SULT1B1: variants seen among roughly 807,000 people sequenced by gnomAD.
SULT1B1 encodes sulfotransferase family 1B member 1, also known as sulfotransferase 1B1.
In SULT1B1, 28 loss-of-function variants were observed where a neutral mutation model predicts 34.6. The observed-to-expected ratio is 0.81, with a 90% CI of 0.60 to 1.11. SULT1B1 has a LOEUF of 1.11. Among genes scored for constraint, SULT1B1 ranks in the 50% least tolerant of loss-of-function variants. The pLI is 0.00. For synonymous variants in SULT1B1, 147 were observed against 110.2 expected, an observed-to-expected ratio of 1.33 and a Z score of -2.09; for missense variants, 374 against 352.2, an observed-to-expected ratio of 1.06 and a Z score of -0.50.
intron 3 of SULT1B1, among the ~76,000 whole-genome samples, chr4:69,751,077 C>T (rs1344987350): frequency 6.6e-6 from 1 of 152,122 alleles, no homozygotes; most frequent in African/African-American, 2.4e-5. Context: ...ATTAATTGTC[C>T]TGTATTTTAT....
intron 1 of SULT1B1, among the ~76,000 whole-genome samples, chr4:69,757,742 T>C (rs577323775): frequency 6.6e-6 from 1 of 152,332 alleles, no homozygotes; most frequent in East Asian, 1.9e-4. Flanking sequence ...GTAAAAGTCA[T>C]TATTCAACAA....
intron 5 of SULT1B1, 32 bp from the exon 6 acceptor site, chr4:69,733,539 C>A: frequency 6.9e-7 from 1 of 1,451,346 alleles, no homozygotes; most frequent in Non-Finnish European, 9.4e-7. Context: ...TTTTCATAAA[C>A]ATTCATCAAA....
rs1717867948 is a variant in SULT1B1, at chr4:69,727,156, C to T, written c.823G>A (p.Glu275Lys). 1 of 1,611,708 alleles carries T rather than the reference C, an allele frequency of 6.2e-7. No homozygotes were observed. Among genetic ancestry groups the T allele is most frequent in the Admixed American group, 1.7e-5 (1 of 59,706 alleles). The change falls in exon 8 of 8, where the codon GAG (glutamate) becomes AAG (lysine). Residue 275 changes from glutamate (E) to lysine (K), a missense_variant. Transcript: ENST00000310613. ...GTCTCATAAATAGCATCAAATTTCT[C>T]ATTTTGGGCCACGGTGAAGTAATTC... ...WKNYFTVAQN[E>K]KFDAIYETEM...
intron 4 of SULT1B1, among the ~76,000 whole-genome samples, chr4:69,746,827 T>C (rs1254669103): frequency 6.6e-6 from 1 of 152,240 alleles, no homozygotes; most frequent in South Asian, 2.1e-4. Flanking sequence ...TGGCAGCTAA[T>C]GTTTCTTTAA....
intron 4 of SULT1B1, among the ~76,000 whole-genome samples, chr4:69,737,108 T>G (rs950912134): frequency 6.6e-6 from 1 of 151,870 alleles, no homozygotes; most frequent in African/African-American, 2.4e-5. Context: ...AAAAGCCAGA[T>G]ATACAGCACA....
chr4:69,754,064 T>C (rs1348308157), intron 3 of SULT1B1, among the ~76,000 whole-genome samples: 3 of 152,232 alleles, frequency 2.0e-5, no homozygotes, highest in Non-Finnish European at 4.4e-5. Flanking sequence ...TAAGTTTTTT[T>C]CCTTTATTAC....
intron 7 of SULT1B1, among the ~76,000 whole-genome samples, chr4:69,727,819 T>G (rs1192986457): frequency 6.6e-6 from 1 of 152,026 alleles, no homozygotes; most frequent in Non-Finnish European, 1.5e-5. Flanking sequence ...AGTAAATCTT[T>G]GAGGATAAAA....
At chr4:69,731,439 A>G (rs1237091652) in intron 6 of SULT1B1, among the ~76,000 whole-genome samples, 2 of 152,168 alleles carry the variant, frequency 1.3e-5, no homozygotes, top group East Asian at 3.9e-4. Context: ...CCCTGGTGCC[A>G]AAAATGCTGG....
chr4:69,734,774 G>A (rs1298199455), intron 4 of SULT1B1, among the ~76,000 whole-genome samples: 1 of 151,274 alleles, frequency 6.6e-6, no homozygotes, highest in Non-Finnish European at 1.5e-5. Context: ...AAGTTTGGGG[G>A]CATCCAGTTC....
chr4:69,740,990 A>G (rs1718526548), intron 4 of SULT1B1, among the ~76,000 whole-genome samples: 2 of 152,146 alleles, frequency 1.3e-5, no homozygotes. Flanking sequence ...GATATTTTCT[A>G]AGTTTTCTTC....
rs1382177572 is a variant in SULT1B1, at chr4:69,721,946, G to T, written c.*5142C>A. 1 of 152,040 alleles carries T rather than the reference G, an allele frequency of 6.6e-6. No individual in the cohort carries two copies. The highest frequency in any genetic ancestry group is 1.5e-5 in the Non-Finnish European group (1 of 67,972). The allele number at this position is 152,040 out of a possible 1,614,324, so 9.4% of individuals were successfully genotyped here. On this transcript the variant is annotated 3_prime_UTR_variant, in exon 8 of 8. Transcript: ENST00000310613. ...GGAAATTGTACTGATGATTCAACAG[G>T]AGAAATAACGATAAAAGCATTGTTT...
At position 69,721,864 on chromosome 4, in the gene SULT1B1, A is replaced by G. The variant is rs1717675602; in HGVS notation, c.*5224T>C. On this transcript the variant is annotated 3_prime_UTR_variant, in exon 8 of 8. Transcript: ENST00000310613. ...AGATATTTGTTATCACTGTCCTTAC[A>G]TCATGGTTCTGTTAGAGAAAGATTG... The G allele has an allele frequency of 1.3e-5, 2 of 152,154 alleles. No individual in the cohort carries two copies. The highest frequency in any genetic ancestry group is 2.1e-4 in the South Asian group (1 of 4,838). 9.4% of individuals were successfully genotyped at this position (152,154 alleles called of 1,614,324 possible). A position where few individuals can be genotyped will look rare whatever the true frequency, so the allele number is the denominator to read the frequency against.
chr4:69,740,503 T>G (rs1349373828), intron 4 of SULT1B1, among the ~76,000 whole-genome samples: 1 of 152,222 alleles, frequency 6.6e-6, no homozygotes, highest in African/African-American at 2.4e-5. Flanking sequence ...TACCTCCACC[T>G]GGTCCTGCCC....
chr4:69,738,598 C>T (rs1418738899), intron 4 of SULT1B1, among the ~76,000 whole-genome samples: 3 of 152,152 alleles, frequency 2.0e-5, no homozygotes, highest in African/African-American at 7.2e-5. Flanking sequence ...GGGATTATTA[C>T]AATTGAAGAT....
chr4:69,726,873 G>A lies in SULT1B1; in HGVS notation c.*215C>T, dbSNP rs937005460. The A allele has an allele frequency of 2.4e-6, 1 of 409,242 alleles. No homozygotes were observed. Among genetic ancestry groups the A allele is most frequent in the Admixed American group, 4.4e-5 (1 of 22,906 alleles). The allele number at this position is 409,242 out of a possible 1,614,324, so 25.4% of individuals were successfully genotyped here. ...TTACATTGTTCCTTTGTTACAAAAA[G>A]TTAACAATGAACTTTAGCCTTAGAG... On this transcript the variant is annotated 3_prime_UTR_variant, in exon 8 of 8. Transcript: ENST00000310613.
At chr4:69,736,439 C>G (rs933442799) in intron 4 of SULT1B1, among the ~76,000 whole-genome samples, 1 of 152,156 alleles carries the variant, frequency 6.6e-6, no homozygotes, top group Non-Finnish European at 1.5e-5. Flanking sequence ...GAGATCCCTA[C>G]TTTCCACTTG....
At chr4:69,742,416 T>G (rs1718585839) in intron 4 of SULT1B1, among the ~76,000 whole-genome samples, 1 of 152,224 alleles carries the variant, frequency 6.6e-6, no homozygotes, top group African/African-American at 2.4e-5. Context: ...CTTCCTTGAC[T>G]TTTTGAAATA....
At chr4:69,728,981 T>C (rs1717953748) in intron 7 of SULT1B1, among the ~76,000 whole-genome samples, 1 of 152,018 alleles carries the variant, frequency 6.6e-6, no homozygotes, top group Non-Finnish European at 1.5e-5. Context: ...AAGTGCTTTT[T>C]TTCTATTGAG....
intron 6 of SULT1B1, 146 bp from the exon 7 acceptor site, chr4:69,730,827 T>A: frequency 1.5e-6 from 1 of 680,000 alleles, no homozygotes; most frequent in African/African-American, 1.8e-5. Flanking sequence ...AATTTTTAAA[T>A]AAACTAATCA....
Sources: allele counts gnomAD v4.1 joint callset (sites outside exome capture counted in the v4.1 genomes callset), GRCh38; gene constraint gnomAD v4.1.1; transcripts MANE v1.5; gene names NCBI Gene and HGNC (gene_info 2026-07-23, HGNC 2026-07-21).